The following XIRP2 variants were observed in gnomAD, a reference collection of about 807,000 sequenced individuals.
The protein encoded by XIRP2 is xin actin binding repeat containing 2, also known as xin actin-binding repeat-containing protein 2.
A neutral mutation model predicts 277.0 loss-of-function variants in XIRP2; 236 were observed. That is an observed-to-expected ratio of 0.85 (90% confidence interval 0.77 to 0.95). The LOEUF is 0.95. Ranked by LOEUF, XIRP2 falls within the 40% of genes least tolerant of loss-of-function variation. The pLI, the probability that XIRP2 is intolerant of heterozygous loss-of-function variation, is 0.00. For synonymous variants in XIRP2, 1,490 were observed against 1,416.5 expected (o/e 1.05, Z -1.17); for missense variants, 4,640 against 4,157.5 (o/e 1.12, Z -3.19).
At chr2:167,155,043 C>T (rs1339916236) in intron 3 of XIRP2, among the ~76,000 whole-genome samples, 1 of 151,596 alleles carries the variant, frequency 6.6e-6, no homozygotes, top group Admixed American at 6.6e-5. Context: ...AAGACTAAAC[C>T]AGGAAGAAGT....
In XIRP2 at chr2:167,250,341, C is replaced by T; in HGVS notation, c.8949C>T (p.Ile2983=). The T allele has an allele frequency of 1.9e-6, 3 of 1,613,524 alleles. No homozygotes were observed. Among genetic ancestry groups the T allele is most frequent in the Non-Finnish European group, 2.5e-6 (3 of 1,179,686 alleles). The part of the protein sequence containing the change: ...LKTFQTLLNT[I]PGWLISEDKR... ...CATTTCAGACACTATTAAATACTAT[C>T]CCAGGATGGCTGATAAGTGAAGATA... Residue 2983 remains isoleucine (I), a synonymous_variant, in exon 9 of 11, where the codon ATC becomes ATT. Transcript: ENST00000409195.
Position 167,248,558 on chromosome 2 carries a change from G to A in XIRP2, c.7166G>A (p.Ser2389Asn). ...LLSSSAPEKH[S>N]GDFMQQYSQK... ...TCCTCCTCTGCTCCGGAAAAGCACA[G>A]TGGAGACTTCATGCAACAATATTCC... Residue 2389 changes from serine (S) to asparagine (N), a missense_variant, in exon 9 of 11, where the codon AGT (serine) becomes AAT (asparagine). By Grantham distance (46) the Ser-to-Asn change is conservative. Coordinates refer to ENST00000409195, the MANE Select transcript of XIRP2 (RefSeq NM_152381.6). 4 of 1,613,714 alleles carry A rather than the reference G, an allele frequency of 2.5e-6. No individual in the cohort carries two copies. The highest frequency in any genetic ancestry group is 2.7e-5 in the African/African-American group (2 of 74,954).
chr2:167,027,357 T>G (rs13431725), intron 2 of XIRP2, among the ~76,000 whole-genome samples: 79,262 of 151,934 alleles, frequency 0.52, 24,731 homozygotes, highest in African/African-American at 0.85. Context: ...AGCTCCATCA[T>G]CTCCTTTAAG....
chr2:166,965,608 G>C (rs1433588190), intron 2 of XIRP2, among the ~76,000 whole-genome samples: 1 of 151,850 alleles, frequency 6.6e-6, no homozygotes, highest in Non-Finnish European at 1.5e-5. Context: ...TTTTGAGACA[G>C]GGTCTCTCTC....
intron 3 of XIRP2, among the ~76,000 whole-genome samples, chr2:167,197,089 CA>C (rs1423011087): frequency 2.0e-5 from 3 of 152,142 alleles, no homozygotes; most frequent in African/African-American, 7.2e-5. Context: ...AACATTTTTG[CA>C]CAGTTCTAAT....
At chr2:167,184,647 T>G in intron 3 of XIRP2, 1 of 716,080 alleles carries the variant, frequency 1.4e-6, no homozygotes, top group Non-Finnish European at 2.6e-6. Context: ...ATTTGTAAGG[T>G]TCTCGTCTTT....
intron 2 of XIRP2, among the ~76,000 whole-genome samples, chr2:167,090,581 G>T (rs1690110309): frequency 6.6e-6 from 1 of 152,080 alleles, no homozygotes; most frequent in Non-Finnish European, 1.5e-5. Flanking sequence ...TTGATGCTAG[G>T]TGATTTATGT....
intron 2 of XIRP2, among the ~76,000 whole-genome samples, chr2:167,022,983 C>G (rs1173475631): frequency 3.3e-5 from 5 of 152,100 alleles, no homozygotes; most frequent in African/African-American, 1.2e-4. Flanking sequence ...AATGGGATGG[C>G]TGGGTCAAAT....
At chr2:167,030,379 C>T (rs368351653) in intron 2 of XIRP2, among the ~76,000 whole-genome samples, 1 of 152,090 alleles carries the variant, frequency 6.6e-6, no homozygotes, top group Non-Finnish European at 1.5e-5. Flanking sequence ...CTAAACACTG[C>T]TTTATCTGGG....
chr2:167,131,166 A>G (rs1343967306), intron 2 of XIRP2, among the ~76,000 whole-genome samples: 1 of 151,780 alleles, frequency 6.6e-6, no homozygotes, highest in African/African-American at 2.4e-5. Flanking sequence ...CATTAATTTG[A>G]CCCTCCTTCC....
intron 3 of XIRP2, among the ~76,000 whole-genome samples, chr2:167,160,301 G>A (rs1692326950): frequency 6.6e-6 from 1 of 152,166 alleles, no homozygotes; most frequent in Non-Finnish European, 1.5e-5. Context: ...AAACATGGGT[G>A]TTTCCTCCTC....
chr2:167,063,517 T>C (rs893587147), intron 2 of XIRP2, among the ~76,000 whole-genome samples: 2 of 151,948 alleles, frequency 1.3e-5, no homozygotes, highest in East Asian at 3.9e-4. Flanking sequence ...CCAGCTACAA[T>C]TGCAGGATTA....
chr2:167,245,163 T>C lies in XIRP2; in HGVS notation c.3771T>C (p.Gly1257=). 1 of 1,613,160 alleles carries C rather than the reference T, an allele frequency of 6.2e-7. No individual in the cohort carries two copies. ...ATAAGATAAAAGAAAGCCAAGAAGG[T>C]GATGAATGTGTTAAGACGGTGACAG... The part of the protein sequence containing the change: ...PIDKIKESQE[G]DECVKTVTDI... The change falls in exon 9 of 11, where the codon GGT becomes GGC. Residue 1257 remains glycine, a synonymous_variant. Coordinates refer to ENST00000409195, the MANE Select transcript of XIRP2 (RefSeq NM_152381.6).
In XIRP2 at chr2:167,245,840, A is replaced by G. The variant is rs766868260; in HGVS notation, c.4448A>G (p.Gln1483Arg). The G allele has an allele frequency of 2.9e-5, 47 of 1,613,668 alleles. No individual in the cohort carries two copies. In the Middle Eastern group the frequency reaches 9.9e-4, roughly 34 times the overall value. ...NIKTVTQEDV[Q>R]KGDVKQAVWL... is the part of the protein sequence containing the mutation. ...AAGACAGTCACTCAGGAAGATGTGC[A>G]GAAAGGTGATGTTAAGCAGGCTGTG... Residue 1483 changes from glutamine (Q) to arginine (R), a missense_variant, in exon 9 of 11, where the codon CAG becomes CGG. Gln to Arg is a conservative substitution (Grantham distance 43). Transcript: ENST00000409195.
At chr2:167,024,592 G>T (rs1416171355) in intron 2 of XIRP2, among the ~76,000 whole-genome samples, 4 of 152,100 alleles carry the variant, frequency 2.6e-5, no homozygotes, top group African/African-American at 9.7e-5. Context: ...CTGTGGGTTT[G>T]TCATAGATAG....
At chr2:166,996,162 G>T (rs1045058069) in intron 2 of XIRP2, among the ~76,000 whole-genome samples, 1 of 152,004 alleles carries the variant, frequency 6.6e-6, no homozygotes, top group Non-Finnish European at 1.5e-5. Context: ...GAGAGTTCCT[G>T]GTACATAGTA....
intron 4 of XIRP2, among the ~76,000 whole-genome samples, chr2:167,217,684 T>C (rs1387530993): frequency 6.6e-6 from 1 of 152,214 alleles, no homozygotes; most frequent in Non-Finnish European, 1.5e-5. Flanking sequence ...ACATAAGGAA[T>C]ATTCTGAGGC....
chr2:167,034,328 C>T (rs1389360886), intron 2 of XIRP2, among the ~76,000 whole-genome samples: 3 of 151,886 alleles, frequency 2.0e-5, no homozygotes, highest in Non-Finnish European at 2.9e-5. Context: ...GATATTAAAA[C>T]ATACCACCAG....
intron 2 of XIRP2, among the ~76,000 whole-genome samples, chr2:166,919,054 C>T (rs906877462): frequency 1.3e-5 from 2 of 152,084 alleles, no homozygotes; most frequent in Non-Finnish European, 2.9e-5. Context: ...CTGTAAACAA[C>T]AGGTACAGCC....
Sources: gnomAD v4.1 joint callset for allele counts (sites outside exome capture counted in the v4.1 genomes callset) on GRCh38, gnomAD v4.1.1 for gene constraint, MANE v1.5 for transcripts, NCBI Gene and HGNC (gene_info 2026-07-23, HGNC 2026-07-21) for gene names.